DNHD1: variants seen among roughly 807,000 people sequenced by gnomAD.
DNHD1 encodes dynein heavy chain domain-containing protein 1.
Under a neutral mutation model 458.1 loss-of-function variants are expected in DNHD1, and 383 were observed. The observed-to-expected ratio is 0.84, with a 90% CI of 0.77 to 0.91. The LOEUF is 0.91. Among genes scored for constraint, DNHD1 ranks in the 40% least tolerant of loss-of-function variants. The probability of loss-of-function intolerance (pLI) is 0.00; values close to 1 mark genes in which losing one functional copy is unlikely to be tolerated. For synonymous variants in DNHD1, 2,203 were observed against 2,376.9 expected (o/e 0.93, Z 2.13); for missense variants, 5,336 against 5,866.1 (o/e 0.91, Z 2.95).
intron 7 of DNHD1, among the ~76,000 whole-genome samples, chr11:6,512,281 CGG>C (rs1852355876): frequency 8.1e-6 from 1 of 123,468 alleles, no homozygotes; most frequent in Non-Finnish European, 1.6e-5. Context: ...AGTGCAGTGG[CGG>C]GATCTCGGCT....
rs1465911878 is a variant in DNHD1, at chr11:6,564,551, G to A, written c.10503G>A (p.Leu3501=). ...TCAGCATACCACCAAAGAACCCCCT[G>A]CTGGCTACACACTCTCCCTTCAGTA... ...KSVSIPPKNP[L]LATHSPFSIL... Residue 3501 remains leucine (L), a synonymous_variant, in exon 32 of 43, where the codon CTG becomes CTA. Transcript: ENST00000254579. The A allele has an allele frequency of 2.6e-6, 4 of 1,551,712 alleles. No individual in the cohort carries two copies. The highest frequency in any genetic ancestry group is 2.6e-6 in the Non-Finnish European group (3 of 1,146,986).
At chr11:6,521,883 A>G (rs939013975) in intron 10 of DNHD1, among the ~76,000 whole-genome samples, 2 of 152,022 alleles carry the variant, frequency 1.3e-5, no homozygotes, top group Admixed American at 6.6e-5. Context: ...TGCCTGGCTA[A>G]TTTTTAAATT....
At chr11:6,542,262 C>T (rs1052493989) in intron 18 of DNHD1, among the ~76,000 whole-genome samples, 54 of 152,230 alleles carry the variant, frequency 3.5e-4, no homozygotes, top group African/African-American at 1.3e-3. Context: ...GACCCTGGTT[C>T]CACACTTTGC....
rs930397254 is a variant in DNHD1 at position 6,566,009 on chromosome 11, C to T, written c.11053+18C>T. On this transcript the variant is annotated intron_variant, in intron 33 of 42. Coordinates refer to ENST00000254579, the MANE Select transcript of DNHD1 (RefSeq NM_144666.3). ...TGCTTGTGGTGAGAGCTGGTCCCCACCCACCCTGGCCCCTTTTTGACTTGC... is the reference window on the plus strand; with the variant it reads ...TGCTTGTGGTGAGAGCTGGTCCCCATCCACCCTGGCCCCTTTTTGACTTGC... The T allele has an allele frequency of 7.7e-6, 12 of 1,549,350 alleles. No individual in the cohort carries two copies. Among genetic ancestry groups the T allele is most frequent in the Non-Finnish European group, 1.0e-5 (12 of 1,145,948 alleles).
chr11:6,511,656 G>C lies in DNHD1; in HGVS notation c.1392+227G>C, dbSNP rs1486380339. ...AGACCTTTCCCTAAGGGTTGATCTT[G>C]ACCTAGGAGCAGGGAGGAGAAGGAA... On this transcript the variant is annotated intron_variant, in intron 7 of 42. Transcript: ENST00000254579. Among the ~76,000 whole-genome samples the C allele has an allele frequency of 2.0e-5, 3 of 152,196 alleles. No homozygotes were observed. The East Asian group carries it at 5.8e-4, about 29-fold the overall frequency.
chr11:6,522,126 G>A (rs916282760), intron 10 of DNHD1, among the ~76,000 whole-genome samples: 10 of 151,996 alleles, frequency 6.6e-5, no homozygotes, highest in South Asian at 6.2e-4. Flanking sequence ...CTTGTTGGCC[G>A]CATGTATGTC....
intron 28 of DNHD1, 141 bp downstream of exon 28, chr11:6,559,424 T>G: frequency 1.4e-6 from 1 of 713,440 alleles, no homozygotes; most frequent in Non-Finnish European, 2.3e-6. Flanking sequence ...TGATCTCCGC[T>G]GCCTCCTCCT....
At position 6,563,709 on chromosome 11, in the gene DNHD1, C is replaced by T; in HGVS notation, c.9869C>T (p.Pro3290Leu). ...TCCTTCCAGGAGCTGGTGTTCTTCC[C>T]CAAGGAGAAGATAACAGACTCAGAG... ...EDFYQELVFF[P>L]KEKITDSELI... is the part of the protein sequence containing the mutation. Residue 3290 changes from proline to leucine, a missense_variant, in exon 31 of 43, where the codon CCC (proline) becomes CTC (leucine). Physicochemically the swap from Pro to Leu is moderately conservative, Grantham distance 98. Transcript: ENST00000254579. The T allele has an allele frequency of 6.5e-7, 1 of 1,545,700 alleles. No homozygotes were observed. The highest frequency in any genetic ancestry group is 1.7e-4 in the Middle Eastern group (1 of 5,980).
At chr11:6,555,847 A>G (rs1853452306) in intron 24 of DNHD1, among the ~76,000 whole-genome samples, 1 of 152,226 alleles carries the variant, frequency 6.6e-6, no homozygotes, top group Admixed American at 6.5e-5. Context: ...TTCTAGGGTG[A>G]TGAAAATGTT....
chr11:6,538,551 G>A (rs762816331), intron 15 of DNHD1, 41 bp downstream of exon 15: 2 of 1,551,598 alleles, frequency 1.3e-6, no homozygotes, highest in South Asian at 2.4e-5. Context: ...TGGGAGTGGA[G>A]GACTACAGTG....
At chr11:6,521,046 T>A (rs1852595472) in intron 10 of DNHD1, among the ~76,000 whole-genome samples, 1 of 152,240 alleles carries the variant, frequency 6.6e-6, no homozygotes, top group Non-Finnish European at 1.5e-5. Flanking sequence ...TTTCTCCAAA[T>A]AAATTTAGGT....
intron 36 of DNHD1, 41 bp from the exon 37 acceptor site, chr11:6,568,015 A>G: frequency 1.3e-6 from 2 of 1,525,314 alleles, no homozygotes; most frequent in Non-Finnish European, 1.8e-6. Context: ...TCACCCTAGG[A>G]TCACTTTGAG....
At position 6,556,976 on chromosome 11, in the gene DNHD1, C is replaced by T. The variant is rs779590433; in HGVS notation, c.7681C>T (p.Arg2561Ter). The T allele has an allele frequency of 1.0e-5, 16 of 1,551,698 alleles. No individual in the cohort carries two copies. The South Asian group carries it at 1.9e-4, about 18-fold the overall frequency. ...PSVERERALA[R>*]GLVRASVEAW... is the part of the protein sequence containing the mutation. ...TGTGGAACGGGAGCGTGCTCTGGCA[C>T]GAGGTCTGGTTAGGGCCTCAGTAGA... Residue 2561 changes from arginine to a stop codon, truncating the protein, a stop_gained, in exon 25 of 43, where the codon CGA becomes TGA. Transcript: ENST00000254579. LOFTEE classifies it high-confidence loss of function.
intron 6 of DNHD1, 49 bp from the exon 7 acceptor site, chr11:6,511,224 A>T: frequency 1.2e-6 from 2 of 1,600,422 alleles, no homozygotes; most frequent in Non-Finnish European, 1.7e-6. Flanking sequence ...AAAGGTATCC[A>T]AGGAAGGATT....
In DNHD1 at chr11:6,548,532, C is replaced by T. The variant is rs1243781643; in HGVS notation, c.7099-113C>T. 9 of 1,458,222 alleles carry T rather than the reference C, an allele frequency of 6.2e-6. No homozygotes were observed. The highest frequency in any genetic ancestry group is 7.4e-6 in the Non-Finnish European group (8 of 1,078,034). The allele number at this position is 1,458,222 out of a possible 1,614,324, so 90.3% of individuals were successfully genotyped here. On this transcript the variant is annotated intron_variant, in intron 23 of 42. Coordinates refer to ENST00000254579, the MANE Select transcript of DNHD1 (RefSeq NM_144666.3). This position sits in a 1 kb window ranked among gnomAD's most constrained non-coding sequence, Gnocchi z 4.4. The stretch of plus-strand genomic sequence containing the variant: ...ATATATTTTCACAATCACAAGAATA[C>T]ATGAAATATTTTCCAAGTACAGCTC...
Position 6,547,006 on chromosome 11 carries a change from T to C in DNHD1, c.6067T>C (p.Cys2023Arg), listed in dbSNP as rs1263318866. The C allele has an allele frequency of 4.5e-6, 7 of 1,551,434 alleles. No homozygotes were observed. The Admixed American group carries it at 1.2e-4, about 26-fold the overall frequency. Residue 2023 changes from cysteine (C) to arginine (R), a missense_variant, in exon 21 of 43, where the codon TGC becomes CGC. Cys to Arg is a radical substitution (Grantham distance 180, BLOSUM62 -3). Around this residue, in one of 4 missense-constraint regions of DNHD1, gnomAD observed 3,932 missense variants for 4,365.6 expected, o/e 0.90. Transcript: ENST00000254579. The stretch of plus-strand genomic sequence containing the variant: ...CATGGAGGACACCTCAACCCAAGGC[T>C]GCCAGCCTGTGGAAATTACCCACCT... The part of the protein sequence containing the change: ...AAMEDTSTQG[C>R]QPVEITHLYP...
At chr11:6,558,364 G>C in intron 25 of DNHD1, 67 bp downstream of exon 25, 1 of 1,532,324 alleles carries the variant, frequency 6.5e-7, no homozygotes, top group Admixed American at 2.0e-5. Context: ...AAGGCCAAAA[G>C]GAATTCTGTG....
In DNHD1 at chr11:6,546,530, A is replaced by G. The variant is rs1205662274; in HGVS notation, c.5591A>G (p.Glu1864Gly). The G allele has an allele frequency of 1.3e-6, 2 of 1,551,322 alleles. No individual in the cohort carries two copies. Among genetic ancestry groups the G allele is most frequent in the Non-Finnish European group, 1.7e-6 (2 of 1,146,996 alleles). Reference sequence around the variant, plus strand: ...TCCAAATTCTTCTCTCTAGAGCGTGAGCTGGTGTCTGGGCCCCTGCCCTGC... The same window carrying G: ...TCCAAATTCTTCTCTCTAGAGCGTGGGCTGGTGTCTGGGCCCCTGCCCTGC... Reference protein sequence around the residue: ...RLSKFFSLERELVSGPLPCRL... With the variant: ...RLSKFFSLERGLVSGPLPCRL... The change falls in exon 21 of 43, where the codon GAG (glutamate) becomes GGG (glycine). Residue 1864 changes from glutamate (E) to glycine (G), a missense_variant. Glu to Gly is a moderately conservative substitution (Grantham distance 98). This residue lies in a region of DNHD1 where 3,932 missense variants were observed against 4,365.6 expected (regional missense o/e 0.90). Transcript: ENST00000254579.
intron 4 of DNHD1, chr11:6,503,960 G>A (rs1852184792): frequency 6.6e-6 from 1 of 152,140 alleles, no homozygotes; most frequent in African/African-American, 2.4e-5. Context: ...TGAGATGAGT[G>A]GACTGATACA....
Sources: gnomAD v4.1 joint callset for allele counts (sites outside exome capture counted in the v4.1 genomes callset) on GRCh38, gnomAD v4.1.1 for gene constraint, gnomAD v4.1.1 regional missense constraint, Gnocchi (gnomAD v3.1) non-coding constraint, MANE v1.5 for transcripts, NCBI Gene and HGNC (gene_info 2026-07-23, HGNC 2026-07-21) for gene names.